Variants in HDAC4 observed in about 807,000 individuals in gnomAD.
HDAC4 encodes histone deacetylase 4, also known as histone deacetylase A.
In HDAC4, 16 loss-of-function variants were observed where a neutral mutation model predicts 135.1. That is an observed-to-expected ratio of 0.12 (90% CI 0.08 to 0.18). HDAC4 has a LOEUF of 0.18. Ranked by LOEUF, HDAC4 falls within the 10% of genes least tolerant of loss-of-function variation. The probability of loss-of-function intolerance (pLI) is 1.00; values close to 1 mark genes in which losing one functional copy is unlikely to be tolerated. For synonymous variants in HDAC4, 685 were observed against 653.4 expected (o/e 1.05, Z -0.74); for missense variants, 1,143 against 1,511.8 (o/e 0.76, Z 4.05).
rs529099128 is a variant in HDAC4, at chr2:239,303,158, C to T, written c.22+49520G>A. ...ACAGAGCCTGACTCCAGCCTCAGGG[C>T]GTGAGGCACCTGGCCCTGGCCTGTT... On this transcript the variant is annotated intron_variant, in intron 2 of 26. Transcript: ENST00000543185. The surrounding 1 kb of genome is among the most constrained non-coding windows in gnomAD (Gnocchi z 5.1). Among the ~76,000 whole-genome samples, 10 of 152,318 alleles carry T rather than the reference C, an allele frequency of 6.6e-5. No homozygotes were observed. Among genetic ancestry groups the T allele is most frequent in the South Asian group, 2.1e-4 (1 of 4,832 alleles).
In HDAC4 at chr2:239,180,493, C is replaced by T. The variant is rs533375657; in HGVS notation, c.340-3930G>A. Among the ~76,000 whole-genome samples, 14 of 152,280 alleles carry T rather than the reference C, an allele frequency of 9.2e-5. No homozygotes were observed. The South Asian group carries it at 2.3e-3, about 25-fold the overall frequency. Reference sequence around the variant, plus strand: ...CTCAAGATGAGACATGCCAGTCACCCCGCATGTCTGTGACCTGTGTGAAAT... The same window carrying T: ...CTCAAGATGAGACATGCCAGTCACCTCGCATGTCTGTGACCTGTGTGAAAT... On this transcript the variant is annotated intron_variant, in intron 4 of 26. Transcript: ENST00000543185.
At chr2:239,373,463 T>C (rs1404834531) in intron 1 of HDAC4, among the ~76,000 whole-genome samples, 1 of 141,840 alleles carries the variant, frequency 7.1e-6, no homozygotes, top group Non-Finnish European at 1.6e-5. Context: ...AAACTTTTTG[T>C]TGTTGTTGTT....
intron 3 of HDAC4, among the ~76,000 whole-genome samples, chr2:239,227,890 C>T (rs1273423238): frequency 1.3e-5 from 2 of 152,194 alleles, no homozygotes; most frequent in African/African-American, 2.4e-5. Context: ...GGGCCCTCTG[C>T]TAGGTCTCCC....
intron 2 of HDAC4, among the ~76,000 whole-genome samples, chr2:239,239,828 G>T (rs563975792): frequency 6.6e-6 from 1 of 152,358 alleles, no homozygotes; most frequent in South Asian, 2.1e-4. Context: ...GCCTCTCGCG[G>T]AACAGGGCAG....
chr2:239,134,421 G>A lies in HDAC4; in HGVS notation c.1118C>T (p.Ala373Val). The A allele has an allele frequency of 1.2e-6, 2 of 1,613,334 alleles. No homozygotes were observed. Among genetic ancestry groups the A allele is most frequent in the South Asian group, 1.1e-5 (1 of 91,012 alleles). The change falls in exon 11 of 27, where the codon GCC becomes GTC. Residue 373 changes from alanine to valine, a missense_variant. Physicochemically the swap from Ala to Val is moderately conservative, Grantham distance 64. This residue lies in a region of HDAC4 where 272 missense variants were observed against 309.7 expected (regional missense o/e 0.88). Transcript: ENST00000543185. ...GAGGGCGGGAAGGGTGAGTCTCTCG[G>A]CGTCCTGCTGGCCCGCCGTGCCCTG... Reference protein sequence around the residue: ...PSAGTAGQQDAERLTLPALQQ... With the variant: ...PSAGTAGQQDVERLTLPALQQ...
intron 2 of HDAC4, among the ~76,000 whole-genome samples, chr2:239,287,332 T>C (rs1487091620): frequency 6.6e-6 from 1 of 152,218 alleles, no homozygotes; most frequent in Non-Finnish European, 1.5e-5. Context: ...AAGTACTTGA[T>C]TGGGTGTTTG....
chr2:239,056,618 C>A (rs1156452016), intron 24 of HDAC4, among the ~76,000 whole-genome samples: 1 of 152,220 alleles, frequency 6.6e-6, no homozygotes, highest in Non-Finnish European at 1.5e-5. Flanking sequence ...AGAGACAACT[C>A]CTTGAGCATT....
chr2:239,282,765 C>T (rs1322269866), intron 2 of HDAC4, among the ~76,000 whole-genome samples: 1 of 150,394 alleles, frequency 6.6e-6, no homozygotes, highest in East Asian at 2.0e-4. Context: ...ATGTACACAC[C>T]ACTCTACAAT....
chr2:239,051,127 C>T lies in HDAC4; in HGVS notation c.*1970G>A, dbSNP rs919899013. On this transcript the variant is annotated 3_prime_UTR_variant, in exon 27 of 27. Transcript: ENST00000543185. ...TGACTGCCCCCGGCATCTGGCAAGC[C>T]TCCCAGGGTGGCCGGGCATCCTAAG... 6 of 152,648 alleles carry T rather than the reference C, an allele frequency of 3.9e-5. No homozygotes were observed. Among genetic ancestry groups the T allele is most frequent in the African/African-American group, 1.2e-4 (5 of 41,448 alleles). 9.5% of individuals were successfully genotyped at this position (152,648 alleles called of 1,614,324 possible).
intron 11 of HDAC4, among the ~76,000 whole-genome samples, chr2:239,131,775 C>T (rs886919175): frequency 4.6e-5 from 7 of 152,222 alleles, no homozygotes; most frequent in South Asian, 2.1e-4. Flanking sequence ...AGGGGACAGC[C>T]GTGGGCCGTG....
chr2:239,218,363 G>A (rs1255381989), intron 3 of HDAC4, among the ~76,000 whole-genome samples: 1 of 151,366 alleles, frequency 6.6e-6, no homozygotes, highest in Admixed American at 6.6e-5. Flanking sequence ...AACAAGCAAT[G>A]GGGAAAGGAT....
intron 22 of HDAC4, among the ~76,000 whole-genome samples, chr2:239,073,973 C>T (rs192178372): frequency 2.1e-5 from 3 of 139,868 alleles, no homozygotes; most frequent in South Asian, 2.4e-4. Flanking sequence ...TGAGGGGGGC[C>T]GCAGGACTGA....
intron 1 of HDAC4, among the ~76,000 whole-genome samples, chr2:239,379,794 GC>G (rs1489481044): frequency 2.6e-5 from 4 of 152,232 alleles, no homozygotes; most frequent in African/African-American, 9.6e-5. Flanking sequence ...CCAGAGAGCA[GC>G]CCCTGCCCCA....
rs1319943898 is a variant in HDAC4 at position 239,277,587 on chromosome 2, C to T, written c.23-40923G>A. 2.6e-5 allele frequency among the ~76,000 whole-genome samples: 4 copies of T among 152,324 alleles called. No homozygotes were observed. The East Asian group carries it at 5.8e-4, about 22-fold the overall frequency. ...TCTCAGGGCACTTCCACAAGCTCAC[C>T]GGACATGTGCCCACTCTCACCGCAC... On this transcript the variant is annotated intron_variant, in intron 2 of 26. Transcript: ENST00000543185.
At position 239,189,902 on chromosome 2, in the gene HDAC4, G is replaced by A. The variant is rs751049184; in HGVS notation, c.270C>T (p.Ile90=). ...GCTCGTGCTGCCTCTGGAACTCAGC[G>A]ATGAGGATCTGCCTCTGGATCTGCT... ...QKQQIQRQIL[I]AEFQRQHEQL... is the part of the protein sequence containing the mutation. Residue 90 remains isoleucine, a synonymous_variant, in exon 4 of 27, where the codon ATC becomes ATT. Transcript: ENST00000543185. 7 of 1,611,172 alleles carry A rather than the reference G, an allele frequency of 4.3e-6. No homozygotes were observed. In the South Asian group the frequency reaches 5.5e-5, roughly 13 times the overall value.
At chr2:239,359,335 T>C (rs1427672051) in intron 1 of HDAC4, among the ~76,000 whole-genome samples, 1 of 152,228 alleles carries the variant, frequency 6.6e-6, no homozygotes, top group East Asian at 1.9e-4. Flanking sequence ...GTAACTCTAT[T>C]ACCATGTGAG....
At chr2:239,256,033 G>A (rs2049034638) in intron 2 of HDAC4, among the ~76,000 whole-genome samples, 1 of 152,218 alleles carries the variant, frequency 6.6e-6, no homozygotes, top group Admixed American at 6.5e-5. Context: ...CTCGATTAAT[G>A]CAAATATTAT....
chr2:239,199,046 A>G (rs535147557), intron 3 of HDAC4, among the ~76,000 whole-genome samples: 2 of 152,322 alleles, frequency 1.3e-5, no homozygotes, highest in South Asian at 4.1e-4. Context: ...ATCACGATCC[A>G]AATACATTGT....
rs1243459011 is a variant in HDAC4, at chr2:239,200,182, C to T, written c.95-10105G>A. On this transcript the variant is annotated intron_variant, in intron 3 of 26. Transcript: ENST00000543185. ...TCTTTACTGGCGTTTTTGTGAATTT[C>T]CTGAGGGACGGACATGCGTGTTTGA... Among the ~76,000 whole-genome samples the T allele has an allele frequency of 2.0e-5, 3 of 152,040 alleles. No individual in the cohort carries two copies. The East Asian group carries it at 5.8e-4, about 29-fold the overall frequency.
Sources: allele counts gnomAD v4.1 joint callset (sites outside exome capture counted in the v4.1 genomes callset), GRCh38; gene constraint gnomAD v4.1.1; regional missense constraint gnomAD v4.1.1; non-coding constraint Gnocchi (gnomAD v3.1); transcripts MANE v1.5; gene names NCBI Gene and HGNC (gene_info 2026-07-23, HGNC 2026-07-21).